Variants in CD200R1L observed in about 807,000 individuals in gnomAD.
CD200R1L encodes cell surface glycoprotein CD200 receptor 2.
CD200R1L carries 14 observed loss-of-function variants against 24.8 expected under a neutral mutation model. That is an observed-to-expected ratio of 0.56 (90% CI 0.37 to 0.88). The LOEUF (loss-of-function observed/expected upper bound fraction) is 0.88, where lower values mean the gene tolerates loss of function less well. Ranked by LOEUF, CD200R1L falls within the 40% of genes least tolerant of loss-of-function variation. The probability of loss-of-function intolerance (pLI) is 0.00; values close to 1 mark genes in which losing one functional copy is unlikely to be tolerated. For missense variants in CD200R1L, 299 were observed against 297.8 expected, an observed-to-expected ratio of 1.00 and a Z score of -0.03; for synonymous variants, 111 against 109.2, an observed-to-expected ratio of 1.02 and a Z score of -0.11.
At chr3:112,841,872 G>A (rs561733094) in intron 2 of CD200R1L, among the ~76,000 whole-genome samples, 4 of 152,242 alleles carry the variant, frequency 2.6e-5, no homozygotes, top group Admixed American at 6.5e-5. Context: ...GAGGTATCAA[G>A]ATGAGATCTG....
chr3:112,845,992 C>T (rs985861323), intron 1 of CD200R1L, 42 bp from the exon 2 acceptor site: 6 of 406,398 alleles, frequency 1.5e-5, no homozygotes, highest in Non-Finnish European at 2.7e-5. Context: ...CTACTCATTG[C>T]TTCTCCCACA....
At chr3:112,839,214 C>T (rs73225770) in intron 2 of CD200R1L, among the ~76,000 whole-genome samples, 9,058 of 152,134 alleles carry the variant, frequency 0.06, 286 homozygotes, top group African/African-American at 0.074. Flanking sequence ...AGAATTGTTT[C>T]GGGGTTTTCT....
At position 112,826,848 on chromosome 3, in the gene CD200R1L, G is replaced by A; in HGVS notation, c.616+145C>T. The stretch of plus-strand genomic sequence containing the variant: ...CTGTTCTACTAAAAGACAGATTCTA[G>A]CGTTGTAATGCATTTCTCAGTTTGA... On this transcript the variant is annotated intron_variant, in intron 6 of 7. Coordinates refer to ENST00000488794, the MANE Select transcript of CD200R1L (RefSeq NM_001199215.3). The A allele has an allele frequency of 5.7e-6, 5 of 881,952 alleles. No homozygotes were observed. In the East Asian group the frequency reaches 1.3e-4, roughly 23 times the overall value. The allele number at this position is 881,952 out of a possible 1,614,324, so 54.6% of individuals were successfully genotyped here. A position where few individuals can be genotyped will look rare whatever the true frequency, so the allele number is the denominator to read the frequency against.
At chr3:112,839,235 A>T (rs1035528569) in intron 2 of CD200R1L, among the ~76,000 whole-genome samples, 16 of 152,326 alleles carry the variant, frequency 1.1e-4, no homozygotes, top group Admixed American at 5.2e-4. Context: ...GGAATTGGTC[A>T]TCTAATCTAG....
chr3:112,839,536 G>A (rs552942174), intron 2 of CD200R1L, among the ~76,000 whole-genome samples: 1 of 152,326 alleles, frequency 6.6e-6, no homozygotes, highest in Admixed American at 6.5e-5. Flanking sequence ...AAGTTTCTAT[G>A]TCTGCCGTGA....
intron 7 of CD200R1L, 142 bp from the exon 8 acceptor site, chr3:112,816,117 T>A: frequency 3.2e-6 from 2 of 626,638 alleles, no homozygotes; most frequent in Non-Finnish European, 5.8e-6. Flanking sequence ...ATGCTATTAA[T>A]CAATGTGTCA....
chr3:112,816,107 A>C lies in CD200R1L; in HGVS notation c.741-132T>G. The C allele has an allele frequency of 4.7e-6, 3 of 636,146 alleles. No individual in the cohort carries two copies. The South Asian group carries it at 5.7e-5, about 12-fold the overall frequency. 39.4% of individuals were successfully genotyped at this position (636,146 alleles called of 1,614,324 possible). ...TCCAATAATAAATTAAATTGGAGTT[A>C]TGCTATTAATCAATGTGTCAATTAC... On this transcript the variant is annotated intron_variant, in intron 7 of 7. Transcript: ENST00000488794.
chr3:112,822,685 TA>T (rs1374316091), intron 6 of CD200R1L, among the ~76,000 whole-genome samples: 2 of 152,182 alleles, frequency 1.3e-5, no homozygotes, highest in African/African-American at 4.8e-5. Flanking sequence ...TTAGTAATAG[TA>T]AATAAGTGCA....
intron 6 of CD200R1L, among the ~76,000 whole-genome samples, chr3:112,822,369 C>G (rs1474825644): frequency 1.3e-5 from 2 of 152,098 alleles, no homozygotes; most frequent in African/African-American, 4.8e-5. Context: ...AACTTTCAGC[C>G]CCACACCACC....
At chr3:112,818,459 T>G (rs1354440572) in intron 7 of CD200R1L, among the ~76,000 whole-genome samples, 5 of 152,242 alleles carry the variant, frequency 3.3e-5, no homozygotes, top group African/African-American at 1.2e-4. Flanking sequence ...ATGCAAATAC[T>G]GCTAAAAATG....
At chr3:112,835,975 C>T (rs1938933106) in intron 3 of CD200R1L, among the ~76,000 whole-genome samples, 1 of 152,256 alleles carries the variant, frequency 6.6e-6, no homozygotes. Flanking sequence ...CCCACAGCCG[C>T]AGTAGGCAAA....
At chr3:112,842,943 T>G (rs1205493294) in intron 2 of CD200R1L, among the ~76,000 whole-genome samples, 1 of 152,206 alleles carries the variant, frequency 6.6e-6, no homozygotes, top group African/African-American at 2.4e-5. Context: ...GCCCTTTGCC[T>G]TGTGATCTTT....
intron 2 of CD200R1L, among the ~76,000 whole-genome samples, chr3:112,843,402 G>T (rs1939124954): frequency 6.6e-6 from 1 of 152,184 alleles, no homozygotes; most frequent in Non-Finnish European, 1.5e-5. Context: ...AGAGATTGGG[G>T]TCTATTTTCA....
At chr3:112,846,479 A>G (rs1309579702) in intron 1 of CD200R1L, 146 bp downstream of exon 1, 1 of 152,218 alleles carries the variant, frequency 6.6e-6, no homozygotes, top group Non-Finnish European at 1.5e-5. Context: ...CTATGTGTAC[A>G]TTCATTTTCT....
chr3:112,838,686 T>A (rs1051148680), intron 2 of CD200R1L, among the ~76,000 whole-genome samples: 1 of 152,106 alleles, frequency 6.6e-6, no homozygotes, highest in Admixed American at 6.6e-5. Flanking sequence ...CTGAAAAAAA[T>A]GTGTATCCTC....
intron 6 of CD200R1L, among the ~76,000 whole-genome samples, chr3:112,822,571 G>A (rs1450588419): frequency 3.3e-5 from 5 of 152,156 alleles, no homozygotes; most frequent in Admixed American, 3.3e-4. Context: ...CTGGGAGGTT[G>A]GCACTCCCAG....
chr3:112,842,716 A>G (rs1277826532), intron 2 of CD200R1L, among the ~76,000 whole-genome samples: 2 of 152,210 alleles, frequency 1.3e-5, no homozygotes, highest in African/African-American at 4.8e-5. Flanking sequence ...GGGAAGGTCT[A>G]TAAACGGCTG....
intron 2 of CD200R1L, among the ~76,000 whole-genome samples, chr3:112,842,807 C>T (rs567247172): frequency 6.6e-6 from 1 of 152,182 alleles, no homozygotes; most frequent in Non-Finnish European, 1.5e-5. Context: ...GGGAAAAACT[C>T]CGCCCTGGTA....
intron 6 of CD200R1L, among the ~76,000 whole-genome samples, chr3:112,825,729 CT>C (rs1289571775): frequency 5.3e-5 from 8 of 151,868 alleles, no homozygotes; most frequent in African/African-American, 1.7e-4. Flanking sequence ...TTATGAGCAG[CT>C]TTAGGAAAAT....
Sources: gnomAD v4.1 joint callset for allele counts (sites outside exome capture counted in the v4.1 genomes callset) on GRCh38, gnomAD v4.1.1 for gene constraint, MANE v1.5 for transcripts, NCBI Gene and HGNC (gene_info 2026-07-23, HGNC 2026-07-21) for gene names.